Variants in DCLK3 observed in about 807,000 individuals in gnomAD.
DCLK3 encodes the protein serine/threonine-protein kinase DCLK3.
Under a neutral mutation model 46.4 loss-of-function variants are expected in DCLK3, and 30 were observed. That is an observed-to-expected ratio of 0.65 (90% CI 0.48 to 0.88). DCLK3 has a LOEUF of 0.88. Among genes scored for constraint, DCLK3 ranks in the 40% least tolerant of loss-of-function variants. DCLK3 has a pLI of 0.00. For missense variants in DCLK3, 846 were observed against 907.1 expected (o/e 0.93, Z 0.87); for synonymous variants, 401 against 339.2 (o/e 1.18, Z -2.00).
Position 36,737,228 on chromosome 3 carries a change from G to A in DCLK3, c.1939C>T (p.Leu647Phe). 1.2e-6 allele frequency: 2 copies of A among 1,612,992 alleles called. No individual in the cohort carries two copies. Among genetic ancestry groups the A allele is most frequent in the Non-Finnish European group, 1.7e-6 (2 of 1,179,084 alleles). ...CTTACCAAAAGGTTTTCCGGCTTGA[G>A]GTCCCGGTGGACAATGCTCTTGTCG... ...MHDKSIVHRD[L>F]KPENLLVQRN... is the part of the protein sequence containing the mutation. Residue 647 changes from leucine to phenylalanine, a missense_variant, in exon 2 of 5, where the codon CTC (leucine) becomes TTC (phenylalanine). By Grantham distance (22) the Leu-to-Phe change is conservative (BLOSUM62 0). Transcript: ENST00000636136. This position sits in a 1 kb window ranked among gnomAD's most constrained non-coding sequence, Gnocchi z 4.4.
At position 36,715,006 on chromosome 3, in the gene DCLK3, G is replaced by A. The variant is rs546893175; in HGVS notation, c.*322C>T. 4.1e-6 allele frequency: 1 copy of A among 244,684 alleles called. No homozygotes were observed. The highest frequency in any genetic ancestry group is 5.1e-5 in the Admixed American group (1 of 19,704). 15.2% of individuals were successfully genotyped at this position (244,684 alleles called of 1,614,324 possible). A position where few individuals can be genotyped will look rare whatever the true frequency, so the allele number is the denominator to read the frequency against. ...TCTCACAGGGGGAGTTTAGACCCTG[G>A]TAAGCACCACTCCTGTAGTACAGAA... is the stretch of plus-strand genomic sequence containing the variant. On this transcript the variant is annotated 3_prime_UTR_variant, in exon 5 of 5. Transcript: ENST00000636136.
chr3:36,752,251 A>G (rs866107392), intron 1 of DCLK3, among the ~76,000 whole-genome samples: 1 of 152,208 alleles, frequency 6.6e-6, no homozygotes, highest in Non-Finnish European at 1.5e-5. Context: ...CCATGGTGGG[A>G]CAATCCATGG....
intron 1 of DCLK3, among the ~76,000 whole-genome samples, chr3:36,743,681 C>G (rs1181923818): frequency 6.6e-6 from 1 of 152,224 alleles, no homozygotes; most frequent in Admixed American, 6.5e-5. Context: ...GGTCTCTCCT[C>G]AATGCCAATC....
chr3:36,718,966 A>C (rs1701023670), intron 3 of DCLK3, among the ~76,000 whole-genome samples: 2 of 152,218 alleles, frequency 1.3e-5, no homozygotes, highest in African/African-American at 4.8e-5. Flanking sequence ...ATACAATGAC[A>C]TTTCCAACAT....
chr3:36,729,248 T>G (rs13062940), intron 2 of DCLK3, among the ~76,000 whole-genome samples: 20,356 of 90,720 alleles, frequency 0.22, 2,846 homozygotes, highest in East Asian at 0.47. Context: ...TGTGTGTGTG[T>G]GGGGGGGGGG....
At position 36,764,153 on chromosome 3, in the gene DCLK3, G is replaced by C. The variant is rs1465494998; in HGVS notation, c.82+29C>G. ...CCCCCGCCAAGGTGGCGCCCAGAAC[G>C]GGTCGGTGCCGGAGCGCACGGTACT... On this transcript the variant is annotated intron_variant, in intron 1 of 4. Coordinates refer to ENST00000636136, the MANE Select transcript of DCLK3 (RefSeq NM_001394672.2). This position sits in a 1 kb window ranked among gnomAD's most constrained non-coding sequence, Gnocchi z 4.9. The C allele has an allele frequency of 9.1e-6, 3 of 328,782 alleles. No homozygotes were observed. In the East Asian group the frequency reaches 1.3e-4, roughly 15 times the overall value. 20.4% of individuals were successfully genotyped at this position (328,782 alleles called of 1,614,324 possible). A position where few individuals can be genotyped will look rare whatever the true frequency, so the allele number is the denominator to read the frequency against.
intron 1 of DCLK3, among the ~76,000 whole-genome samples, chr3:36,756,942 C>T (rs1184054202): frequency 6.6e-6 from 1 of 151,312 alleles, no homozygotes; most frequent in East Asian, 2.0e-4. Flanking sequence ...CCTGGAGGGC[C>T]TCAGAGGCTC....
At chr3:36,719,085 A>G (rs1163857863) in intron 3 of DCLK3, among the ~76,000 whole-genome samples, 1 of 152,110 alleles carries the variant, frequency 6.6e-6, no homozygotes, top group African/African-American at 2.4e-5. Flanking sequence ...TTAAGTTTTT[A>G]CTAATTTTTT....
intron 2 of DCLK3, among the ~76,000 whole-genome samples, chr3:36,726,045 T>A (rs1701121441): frequency 6.6e-6 from 1 of 152,046 alleles, no homozygotes; most frequent in African/African-American, 2.4e-5. Flanking sequence ...TCACAAGAGG[T>A]AAGTGTGGCA....
chr3:36,750,364 G>A (rs1364540784), intron 1 of DCLK3, among the ~76,000 whole-genome samples: 1 of 152,208 alleles, frequency 6.6e-6, no homozygotes, highest in Non-Finnish European at 1.5e-5. Context: ...TTACAGGCAT[G>A]AGCCACCACA....
At position 36,737,441 on chromosome 3, in the gene DCLK3, G is replaced by A; in HGVS notation, c.1726C>T (p.Gln576Ter). 6.2e-7 allele frequency: 1 copy of A among 1,614,176 alleles called. No homozygotes were observed. Among genetic ancestry groups the A allele is most frequent in the Non-Finnish European group, 8.5e-7 (1 of 1,180,026 alleles). The change falls in exon 2 of 5, where the codon CAG becomes TAG. Residue 576 changes from glutamine (Q) to a stop codon, truncating the protein, a stop_gained. Transcript: ENST00000636136. LOFTEE classifies it high-confidence loss of function. This position sits in a 1 kb window ranked among gnomAD's most constrained non-coding sequence, Gnocchi z 4.4. ...DMVDSEILII[Q>*]SLSHPNIVKL... ...ACGATGTTGGGGTGAGAGAGGCTCT[G>A]GATGATCAAGATCTCACTGTCCACC...
chr3:36,750,352 G>A (rs11917066), intron 1 of DCLK3, among the ~76,000 whole-genome samples: 20,417 of 152,194 alleles, frequency 0.13, 1,693 homozygotes, highest in Non-Finnish European at 0.19. Context: ...AAAGCGCTGG[G>A]ATTACAGGCA....
At position 36,764,029 on chromosome 3, in the gene DCLK3, TAC is replaced by T. The variant is rs951993422; in HGVS notation, c.82+151_82+152del. Among the ~76,000 whole-genome samples the T allele has an allele frequency of 6.6e-6, 1 of 151,890 alleles. No individual in the cohort carries two copies. The highest frequency in any genetic ancestry group is 1.5e-5 in the Non-Finnish European group (1 of 67,926). ...ACACACATACACACGTACACACACA[TAC>T]ACACACACAGTCCTCCGTACACCCA... is the stretch of plus-strand genomic sequence containing the variant. On this transcript the variant is annotated intron_variant, in intron 1 of 4. Coordinates refer to ENST00000636136, the MANE Select transcript of DCLK3 (RefSeq NM_001394672.2). This position sits in a 1 kb window ranked among gnomAD's most constrained non-coding sequence, Gnocchi z 4.9.
At chr3:36,728,324 A>G (rs1156461291) in intron 2 of DCLK3, among the ~76,000 whole-genome samples, 1 of 151,998 alleles carries the variant, frequency 6.6e-6, no homozygotes, top group African/African-American at 2.4e-5. Flanking sequence ...ACTTGACTGG[A>G]TTAAGGAATA....
intron 3 of DCLK3, among the ~76,000 whole-genome samples, 189 bp downstream of exon 3, chr3:36,721,338 C>A (rs1430501820): frequency 6.6e-6 from 1 of 152,102 alleles, no homozygotes; most frequent in African/African-American, 2.4e-5. Context: ...GTAACAAGGG[C>A]AGCCCTAATG....
At position 36,737,630 on chromosome 3, in the gene DCLK3, G is replaced by A; in HGVS notation, c.1537C>T (p.Pro513Ser). 1 of 1,614,094 alleles carries A rather than the reference G, an allele frequency of 6.2e-7. No homozygotes were observed. The highest frequency in any genetic ancestry group is 8.5e-7 in the Non-Finnish European group (1 of 1,180,010). ...ACATTGGCGGCAATGATGCCCATGG[G>A]CCGTGGCTTCCGACCGCTGGGCCGC... ...PERPSGRKPR[P>S]MGIIAANVEK... The change falls in exon 2 of 5, where the codon CCC becomes TCC. Residue 513 changes from proline to serine, a missense_variant. Coordinates refer to ENST00000636136, the MANE Select transcript of DCLK3 (RefSeq NM_001394672.2). The surrounding 1 kb of genome is among the most constrained non-coding windows in gnomAD (Gnocchi z 4.4).
At chr3:36,723,351 G>A (rs1036926727) in intron 2 of DCLK3, among the ~76,000 whole-genome samples, 1 of 152,196 alleles carries the variant, frequency 6.6e-6, no homozygotes, top group Non-Finnish European at 1.5e-5. Context: ...GCCTGACAAT[G>A]CAATAGAAAA....
chr3:36,761,607 C>T (rs796973845), intron 1 of DCLK3, among the ~76,000 whole-genome samples: 75 of 152,310 alleles, frequency 4.9e-4, no homozygotes, highest in African/African-American at 1.8e-3. Flanking sequence ...TATCAAGAGG[C>T]CACCAAAGGA....
Position 36,750,660 on chromosome 3 carries a change from T to C in DCLK3, c.83-11576A>G, listed in dbSNP as rs547035585. On this transcript the variant is annotated intron_variant, in intron 1 of 4. Transcript: ENST00000636136. ...CAAAAGCTGTGTGGGCGCAGATCTTTGCATTTTAGAACTGCAAGGATAGTA... is the reference window on the plus strand; with the variant it reads ...CAAAAGCTGTGTGGGCGCAGATCTTCGCATTTTAGAACTGCAAGGATAGTA... Among the ~76,000 whole-genome samples, 8 of 152,350 alleles carry C rather than the reference T, an allele frequency of 5.3e-5. No homozygotes were observed. In the South Asian group the frequency reaches 8.3e-4, roughly 16 times the overall value.
Sources: gnomAD v4.1 joint callset for allele counts (sites outside exome capture counted in the v4.1 genomes callset) on GRCh38, gnomAD v4.1.1 for gene constraint, Gnocchi (gnomAD v3.1) non-coding constraint, MANE v1.5 for transcripts, NCBI Gene and HGNC (gene_info 2026-07-23, HGNC 2026-07-21) for gene names.